The following PATJ variants were observed in gnomAD, a reference collection of about 807,000 sequenced individuals.
PATJ encodes the protein inaD-like protein.
A neutral mutation model predicts 224.9 loss-of-function variants in PATJ; 190 were observed. The observed-to-expected ratio is 0.84, with a 90% CI of 0.75 to 0.95. The LOEUF is 0.95. PATJ is among the 40% of genes least tolerant of loss of function. The pLI, the probability that PATJ is intolerant of heterozygous loss-of-function variation, is 0.00. For missense variants in PATJ, 2,121 were observed against 2,270.3 expected (o/e 0.93, Z 1.34); for synonymous variants, 769 against 820.3 (o/e 0.94, Z 1.07).
At chr1:62,083,132 TG>T (rs1411814543) in intron 32 of PATJ, among the ~76,000 whole-genome samples, 11 of 152,312 alleles carry the variant, frequency 7.2e-5, no homozygotes, top group African/African-American at 2.6e-4. Flanking sequence ...TCGTTGTTGT[TG>T]TTGCCATTTT....
intron 27 of PATJ, among the ~76,000 whole-genome samples, chr1:61,940,487 T>C (rs11802946): frequency 0.043 from 6,602 of 152,126 alleles, 536 homozygotes; most frequent in African/African-American, 0.15. Flanking sequence ...GAGGCCGAGA[T>C]GGGCGGATCA....
chr1:61,919,169 C>T (rs1161072881), intron 26 of PATJ, among the ~76,000 whole-genome samples: 1 of 151,644 alleles, frequency 6.6e-6, no homozygotes, highest in Non-Finnish European at 1.5e-5. Context: ...ATTTTGTTCT[C>T]ATCTTTATAT....
chr1:61,881,369 C>T (rs1306385133), intron 21 of PATJ, among the ~76,000 whole-genome samples: 3 of 147,946 alleles, frequency 2.0e-5, no homozygotes, highest in Non-Finnish European at 4.5e-5. Context: ...CCTATGGGGG[C>T]AGCTTCCCAG....
At chr1:62,067,131 T>TC (rs1656612944) in intron 31 of PATJ, among the ~76,000 whole-genome samples, 1 of 144,054 alleles carries the variant, frequency 6.9e-6, no homozygotes, top group South Asian at 2.3e-4. Flanking sequence ...TTCTTTTTTT[T>TC]TTTTTTTTTT....
At chr1:61,924,429 A>C (rs1674810488) in intron 26 of PATJ, among the ~76,000 whole-genome samples, 1 of 152,292 alleles carries the variant, frequency 6.6e-6, no homozygotes, top group South Asian at 2.1e-4. Flanking sequence ...GCTATTTTCT[A>C]AGGTTTTCTT....
rs760975631 is a variant in PATJ at position 61,875,333 on chromosome 1, C to A, written c.2926C>A (p.Leu976Ile). ...QQGRFDDLEN[L>I]NSLAKTSLDL... Reference sequence around the variant, plus strand: ...AGGCAGATTTGACGACCTGGAAAATCTTAATTCATTAGCAAAAACTAGTCT... The same window carrying A: ...AGGCAGATTTGACGACCTGGAAAATATTAATTCATTAGCAAAAACTAGTCT... Residue 976 changes from leucine to isoleucine, a missense_variant, in exon 21 of 44, where the codon CTT (leucine) becomes ATT (isoleucine). Coordinates refer to ENST00000642238, the MANE Select transcript of PATJ (RefSeq NM_001350145.3). 2 of 1,611,590 alleles carry A rather than the reference C, an allele frequency of 1.2e-6. No individual in the cohort carries two copies. Among genetic ancestry groups the A allele is most frequent in the Non-Finnish European group, 1.7e-6 (2 of 1,178,694 alleles).
At chr1:62,076,132 G>A (rs1466855883) in intron 31 of PATJ, among the ~76,000 whole-genome samples, 2 of 151,954 alleles carry the variant, frequency 1.3e-5, no homozygotes, top group African/African-American at 4.8e-5. Context: ...GTTTTGTTTT[G>A]TTTTGTTTTT....
At chr1:61,770,528 G>A (rs1478175120) in intron 5 of PATJ, among the ~76,000 whole-genome samples, 1 of 152,174 alleles carries the variant, frequency 6.6e-6, no homozygotes, top group Non-Finnish European at 1.5e-5. Context: ...CATAGTACCT[G>A]ACTCATGATA....
Position 61,899,809 on chromosome 1 carries a change from T to C in PATJ, c.3203+155T>C, listed in dbSNP as rs977384110. Among the ~76,000 whole-genome samples the C allele has an allele frequency of 2.6e-5, 4 of 152,380 alleles. No homozygotes were observed. The East Asian group carries it at 5.8e-4, about 22-fold the overall frequency. ...CCTACGTTTTGGTTTCATTTTGTCT[T>C]ATCTAGAGATTTTTAGCTGAACAAA... On this transcript the variant is annotated intron_variant, in intron 23 of 43. Coordinates refer to ENST00000642238, the MANE Select transcript of PATJ (RefSeq NM_001350145.3).
In PATJ at chr1:62,040,378, G is replaced by A. The variant is rs1013154244; in HGVS notation, c.4032+2329G>A. ...CCCGTCTGGGCCTCCCAAAAGTGCTGGGATTACAGGCATGACCCTATGTTT... is the reference window on the plus strand; with the variant it reads ...CCCGTCTGGGCCTCCCAAAAGTGCTAGGATTACAGGCATGACCCTATGTTT... On this transcript the variant is annotated intron_variant, in intron 30 of 43. Transcript: ENST00000642238. Among the ~76,000 whole-genome samples, 15 of 152,168 alleles carry A rather than the reference G, an allele frequency of 9.9e-5. No individual in the cohort carries two copies. In the South Asian group the frequency reaches 2.9e-3, roughly 30 times the overall value.
intron 28 of PATJ, among the ~76,000 whole-genome samples, chr1:61,997,037 T>A (rs1174389802): frequency 6.6e-6 from 1 of 152,012 alleles, no homozygotes; most frequent in Non-Finnish European, 1.5e-5. Flanking sequence ...CCACTGCACC[T>A]GGCCAGAGAT....
At chr1:61,963,598 A>T (rs1681639087) in intron 27 of PATJ, among the ~76,000 whole-genome samples, 1 of 152,166 alleles carries the variant, frequency 6.6e-6, no homozygotes, top group Non-Finnish European at 1.5e-5. Flanking sequence ...TCTGTCTCAA[A>T]AGAAAAAAAA....
At chr1:61,815,487 T>G (rs765681573) in intron 14 of PATJ, among the ~76,000 whole-genome samples, 6 of 152,126 alleles carry the variant, frequency 3.9e-5, no homozygotes, top group Non-Finnish European at 5.9e-5. Context: ...AGAACAATTA[T>G]GTTTCTATGG....
chr1:61,863,038 T>G lies in PATJ; in HGVS notation c.2440-1200T>G, dbSNP rs929970769. Among the ~76,000 whole-genome samples, 240 of 142,682 alleles carry G rather than the reference T, an allele frequency of 1.7e-3. 1 individual carries two copies. The highest frequency in any genetic ancestry group is 5.1e-3 in the African/African-American group (198 of 38,502). 93.6% of individuals were successfully genotyped at this position (142,682 alleles called of 152,430 possible). The stretch of plus-strand genomic sequence containing the variant: ...TATTACTGTTTTCAGTTTTTTTTTT[T>G]TTTTTTTTTTTTTTTGAGATGGTAT... On this transcript the variant is annotated intron_variant, in intron 19 of 43. Coordinates refer to ENST00000642238, the MANE Select transcript of PATJ (RefSeq NM_001350145.3).
chr1:61,825,873 CT>C (rs1054910312), intron 15 of PATJ, among the ~76,000 whole-genome samples: 1 of 152,114 alleles, frequency 6.6e-6, no homozygotes, highest in Non-Finnish European at 1.5e-5. Context: ...ATCTCCGTGC[CT>C]TTTTTTAGTG....
intron 33 of PATJ, chr1:62,100,536 A>C: frequency 1.7e-6 from 1 of 582,006 alleles, no homozygotes; most frequent in Non-Finnish European, 3.2e-6. Context: ...TAAAGGTCTC[A>C]CCTCTTAATA....
intron 14 of PATJ, among the ~76,000 whole-genome samples, chr1:61,812,433 A>T (rs12125231): frequency 0.028 from 2,334 of 83,954 alleles, 75 homozygotes; most frequent in East Asian, 0.046. Flanking sequence ...AGAGAGAGAG[A>T]GTGTGTGTGT....
At chr1:62,020,830 C>G (rs1647034833) in intron 29 of PATJ, among the ~76,000 whole-genome samples, 1 of 151,922 alleles carries the variant, frequency 6.6e-6, no homozygotes, top group South Asian at 2.1e-4. Flanking sequence ...TTCATTCATT[C>G]ATTCATTTAT....
At position 61,997,824 on chromosome 1, in the gene PATJ, T is replaced by TA. The variant is rs1553235992; in HGVS notation, c.3867+7472dup. On this transcript the variant is annotated intron_variant, in intron 28 of 43. Coordinates refer to ENST00000642238, the MANE Select transcript of PATJ (RefSeq NM_001350145.3). ...TGTTTTGTTTTGTTTTGTTTTGTTT[T>TA]AAAAAAAAAAAAGACAGGGTCTAGC... Among the ~76,000 whole-genome samples, 482 of 85,508 alleles carry TA rather than the reference T, an allele frequency of 5.6e-3. 2 individuals carry two copies. Among genetic ancestry groups the TA allele is most frequent in the South Asian group, 0.015 (46 of 3,058 alleles). 56.1% of individuals were successfully genotyped at this position (85,508 alleles called of 152,430 possible). A position where few individuals can be genotyped will look rare whatever the true frequency, so the allele number is the denominator to read the frequency against.
Sources: gnomAD v4.1 joint callset for allele counts (sites outside exome capture counted in the v4.1 genomes callset) on GRCh38, gnomAD v4.1.1 for gene constraint, MANE v1.5 for transcripts, NCBI Gene and HGNC (gene_info 2026-07-23, HGNC 2026-07-21) for gene names.